Variants in NCALD observed in about 807,000 individuals in gnomAD.
NCALD encodes neurocalcin-delta.
A neutral mutation model predicts 18.6 loss-of-function variants in NCALD; 10 were observed. That is an observed-to-expected ratio of 0.54 (90% confidence interval 0.33 to 0.91). The LOEUF is 0.91. NCALD is among the 40% of genes least tolerant of loss of function. NCALD has a pLI of 0.03. For synonymous variants in NCALD, 88 were observed against 87.4 expected (o/e 1.01, Z -0.04); for missense variants, 184 against 247.6 (o/e 0.74, Z 1.72).
chr8:101,763,966 C>CTCCACA (rs1491550100), intron 1 of NCALD, among the ~76,000 whole-genome samples: 2 of 85,172 alleles, frequency 2.3e-5, no homozygotes, highest in Non-Finnish European at 4.8e-5. Flanking sequence ...CTCTCTCTCT[C>CTCCACA]CACACACACA....
intron 1 of NCALD, among the ~76,000 whole-genome samples, chr8:102,057,115 T>C (rs1823678588): frequency 2.0e-5 from 3 of 152,160 alleles, no homozygotes; most frequent in Admixed American, 2.0e-4. Context: ...CTTACTCCTC[T>C]GGCCTCATTT....
intron 1 of NCALD, among the ~76,000 whole-genome samples, chr8:102,061,844 G>A (rs1376904175): frequency 6.6e-6 from 1 of 152,142 alleles, no homozygotes; most frequent in African/African-American, 2.4e-5. Context: ...TTTAGTTATG[G>A]AACCCAGTCA....
chr8:101,699,738 C>A (rs1815169118), intron 2 of NCALD, among the ~76,000 whole-genome samples: 2 of 152,004 alleles, frequency 1.3e-5, no homozygotes, highest in South Asian at 4.2e-4. Flanking sequence ...AGGGAGGGAA[C>A]AACACACACT....
intron 2 of NCALD, among the ~76,000 whole-genome samples, chr8:101,938,589 T>TAGG (rs1439375255): frequency 1.1e-4 from 17 of 152,128 alleles, no homozygotes; most frequent in African/African-American, 4.1e-4. Flanking sequence ...TCAGGATGGG[T>TAGG]AGGATAATCT....
intron 1 of NCALD, among the ~76,000 whole-genome samples, chr8:101,781,559 C>A (rs1314099014): frequency 6.6e-6 from 1 of 152,160 alleles, no homozygotes; most frequent in Non-Finnish European, 1.5e-5. Context: ...GGAAAACATA[C>A]CTTTCATTCA....
intron 1 of NCALD, among the ~76,000 whole-genome samples, chr8:101,726,049 G>T (rs760748739): frequency 1.3e-5 from 2 of 152,148 alleles, no homozygotes; most frequent in Non-Finnish European, 1.5e-5. Flanking sequence ...TCTTTGAAGA[G>T]CAAGAACAGT....
intron 2 of NCALD, among the ~76,000 whole-genome samples, chr8:101,957,918 C>G (rs1359308020): frequency 6.6e-6 from 1 of 152,170 alleles, no homozygotes; most frequent in African/African-American, 2.4e-5. Context: ...TACTTGGAAA[C>G]TAGTAAATTC....
chr8:102,030,526 G>A (rs1440048935), intron 1 of NCALD, among the ~76,000 whole-genome samples: 3 of 152,178 alleles, frequency 2.0e-5, no homozygotes, highest in African/African-American at 7.2e-5. Flanking sequence ...AAACGTGGTC[G>A]ATAAAAAGAA....
chr8:102,005,114 T>C (rs1402240372), intron 2 of NCALD, among the ~76,000 whole-genome samples: 1 of 151,744 alleles, frequency 6.6e-6, no homozygotes, highest in African/African-American at 2.4e-5. Flanking sequence ...TGGGAGAAAA[T>C]TTTTGCAATC....
chr8:101,846,880 G>A (rs1000056354), intron 4 of NCALD, among the ~76,000 whole-genome samples: 2 of 152,162 alleles, frequency 1.3e-5, no homozygotes, highest in Admixed American at 6.5e-5. Flanking sequence ...ACTCAACACA[G>A]GCGATCATGG....
At chr8:101,989,306 T>C (rs1327948392) in intron 2 of NCALD, among the ~76,000 whole-genome samples, 1 of 152,208 alleles carries the variant, frequency 6.6e-6, no homozygotes, top group Non-Finnish European at 1.5e-5. Context: ...TACAGCCCTT[T>C]GAAAAATATT....
chr8:101,885,649 T>C, intron 4 of NCALD, among the ~76,000 whole-genome samples: 1 of 152,200 alleles, frequency 6.6e-6, no homozygotes, highest in East Asian at 1.9e-4. Flanking sequence ...GAATGAGAGA[T>C]GAAGTCTAGC....
chr8:102,073,303 AAAAAT>A (rs1384957948), intron 1 of NCALD, among the ~76,000 whole-genome samples: 2 of 152,152 alleles, frequency 1.3e-5, no homozygotes, highest in African/African-American at 2.4e-5. Context: ...CCCGATTCAA[AAAAAT>A]AAAATAAAAT....
intron 2 of NCALD, among the ~76,000 whole-genome samples, chr8:101,701,578 A>G (rs989842513): frequency 2.6e-5 from 4 of 152,114 alleles, no homozygotes; most frequent in African/African-American, 9.7e-5. Context: ...TGAAGGAACA[A>G]CCTCTTGGGA....
chr8:101,868,569 C>A (rs538480294), intron 4 of NCALD, among the ~76,000 whole-genome samples: 49 of 152,300 alleles, frequency 3.2e-4, no homozygotes, highest in African/African-American at 1.1e-3. Context: ...TTGCTTTCTG[C>A]AACCAATCAG....
intron 1 of NCALD, among the ~76,000 whole-genome samples, chr8:102,068,297 C>T (rs1157147862): frequency 1.3e-5 from 2 of 152,194 alleles, no homozygotes; most frequent in Non-Finnish European, 2.9e-5. Flanking sequence ...CCTCCCTCCA[C>T]GGCCTACTCT....
chr8:101,788,150 T>G (rs1417494820), intron 1 of NCALD, among the ~76,000 whole-genome samples: 1 of 152,168 alleles, frequency 6.6e-6, no homozygotes, highest in Non-Finnish European at 1.5e-5. Flanking sequence ...ACTCGAAGAA[T>G]AAAATCCGAT....
intron 2 of NCALD, among the ~76,000 whole-genome samples, chr8:101,701,077 C>G (rs567200333): frequency 4.5e-4 from 68 of 152,202 alleles, no homozygotes; most frequent in Admixed American, 2.0e-4. Flanking sequence ...GTCGAGGTGA[C>G]GAGTCCCAAT....
intron 3 of NCALD, among the ~76,000 whole-genome samples, chr8:101,889,875 A>C (rs1816809436): frequency 6.6e-6 from 1 of 152,236 alleles, no homozygotes; most frequent in African/African-American, 2.4e-5. Context: ...ATTCCAGAGG[A>C]ATTAAAGATT....
Sources: allele counts gnomAD v4.1 joint callset (sites outside exome capture counted in the v4.1 genomes callset), GRCh38; gene constraint gnomAD v4.1.1; transcripts MANE v1.5; gene names NCBI Gene and HGNC (gene_info 2026-07-23, HGNC 2026-07-21).